Variants in CTTNBP2 observed in about 807,000 individuals in gnomAD.
The protein encoded by CTTNBP2 is cortactin-binding protein 2.
In CTTNBP2, 108 loss-of-function variants were observed where a neutral mutation model predicts 156.9. The ratio of observed to expected loss-of-function variants is 0.69; its 90% CI spans 0.59 to 0.81. The LOEUF (loss-of-function observed/expected upper bound fraction) is 0.81. CTTNBP2 is among the 30% of genes least tolerant of loss of function. The pLI, the probability that CTTNBP2 is intolerant of heterozygous loss-of-function variation, is 0.00. For synonymous variants in CTTNBP2, 767 were observed against 751.8 expected (o/e 1.02, Z -0.33); for missense variants, 1,924 against 2,035.4 (o/e 0.95, Z 1.05).
chr7:117,810,735 G>T, intron 3 of CTTNBP2, 30 bp downstream of exon 3: 1 of 1,560,566 alleles, frequency 6.4e-7, no homozygotes, highest in Non-Finnish European at 8.8e-7. Flanking sequence ...CCATGTTGTG[G>T]GGAAAATGAC....
chr7:117,851,877 T>C (rs1032232488), intron 2 of CTTNBP2, among the ~76,000 whole-genome samples: 5 of 152,218 alleles, frequency 3.3e-5, no homozygotes, highest in African/African-American at 9.7e-5. Context: ...TGAGACTTTT[T>C]TATGAAAAAT....
intron 2 of CTTNBP2, among the ~76,000 whole-genome samples, chr7:117,829,146 T>C (rs531421965): frequency 1.3e-5 from 2 of 152,320 alleles, no homozygotes; most frequent in South Asian, 2.1e-4. Context: ...TCAGAGCATA[T>C]GACACCACTC....
At chr7:117,780,403 T>A (rs759564486) in intron 7 of CTTNBP2, 38 bp downstream of exon 7, 1 of 1,361,548 alleles carries the variant, frequency 7.3e-7, no homozygotes, top group South Asian at 1.8e-5. Context: ...ATATTGCAAA[T>A]TATATATACA....
At chr7:117,845,733 C>A (rs1802542302) in intron 2 of CTTNBP2, among the ~76,000 whole-genome samples, 1 of 152,198 alleles carries the variant, frequency 6.6e-6, no homozygotes, top group Admixed American at 6.5e-5. Flanking sequence ...CAAAGGATAT[C>A]CACAGCAAGG....
chr7:117,869,433 T>C (rs1804428440), intron 1 of CTTNBP2, among the ~76,000 whole-genome samples: 1 of 152,214 alleles, frequency 6.6e-6, no homozygotes, highest in Admixed American at 6.5e-5. Context: ...ACACTTACCA[T>C]GTGCCTGGCA....
intron 2 of CTTNBP2, among the ~76,000 whole-genome samples, chr7:117,834,851 C>A (rs1352657315): frequency 2.6e-5 from 4 of 152,178 alleles, no homozygotes; most frequent in South Asian, 2.1e-4. Flanking sequence ...TGTACTAATT[C>A]TTTAGTCCAC....
chr7:117,753,165 C>T (rs1417017206), intron 12 of CTTNBP2, among the ~76,000 whole-genome samples: 1 of 152,180 alleles, frequency 6.6e-6, no homozygotes, highest in East Asian at 1.9e-4. Flanking sequence ...CTCAACATCA[C>T]TGATCATTAG....
intron 2 of CTTNBP2, among the ~76,000 whole-genome samples, chr7:117,841,240 T>C (rs1168984967): frequency 1.3e-5 from 2 of 152,188 alleles, no homozygotes; most frequent in South Asian, 2.1e-4. Flanking sequence ...AAAAAAATCA[T>C]CTGTCATTGT....
intron 14 of CTTNBP2, 80 bp downstream of exon 14, chr7:117,745,751 C>A: frequency 1.1e-6 from 1 of 919,154 alleles, no homozygotes; most frequent in South Asian, 1.5e-5. Context: ...CCCCAAGCAA[C>A]ACAGTGTATT....
At chr7:117,725,499 G>A (rs984749178) in intron 17 of CTTNBP2, among the ~76,000 whole-genome samples, 2 of 152,118 alleles carry the variant, frequency 1.3e-5, no homozygotes, top group Admixed American at 1.3e-4. Context: ...TCTCAATGTA[G>A]AATCAATGCT....
At chr7:117,750,948 A>C (rs1796590534) in intron 12 of CTTNBP2, among the ~76,000 whole-genome samples, 1 of 152,200 alleles carries the variant, frequency 6.6e-6, no homozygotes, top group African/African-American at 2.4e-5. Flanking sequence ...TTATCCCCTA[A>C]GTGCACATTT....
At chr7:117,823,098 T>C (rs1031257700) in intron 2 of CTTNBP2, among the ~76,000 whole-genome samples, 3 of 152,258 alleles carry the variant, frequency 2.0e-5, no homozygotes, top group African/African-American at 7.2e-5. Context: ...GGCCCTGTTA[T>C]TGAATCTTCT....
intron 12 of CTTNBP2, among the ~76,000 whole-genome samples, chr7:117,747,697 C>G (rs1260128798): frequency 6.6e-6 from 1 of 152,280 alleles, no homozygotes; most frequent in South Asian, 2.1e-4. Context: ...CGCTTGAACC[C>G]GGGAGGTGGA....
At chr7:117,779,677 G>A (rs1798297375) in intron 7 of CTTNBP2, among the ~76,000 whole-genome samples, 1 of 151,388 alleles carries the variant, frequency 6.6e-6, no homozygotes, top group African/African-American at 2.4e-5. Flanking sequence ...AAGAAAAAAA[G>A]CTGTAGCAAT....
At position 117,713,708 on chromosome 7, in the gene CTTNBP2, A is replaced by C. The variant is rs1256963952; in HGVS notation, c.4747-1926T>G. On this transcript the variant is annotated intron_variant, in intron 22 of 22. Coordinates refer to ENST00000160373, the MANE Select transcript of CTTNBP2 (RefSeq NM_033427.3). ...TCCTTTACTTCCCTGTTAAAGTCCT[A>C]ATTCTTTAAAGCCCAACACAACATG... 3 of 152,200 alleles carry C rather than the reference A, an allele frequency of 2.0e-5. No homozygotes were observed. In the East Asian group the frequency reaches 5.8e-4, roughly 29 times the overall value. 9.4% of individuals were successfully genotyped at this position (152,200 alleles called of 1,614,324 possible).
intron 2 of CTTNBP2, among the ~76,000 whole-genome samples, chr7:117,859,839 T>C (rs1253819710): frequency 1.3e-5 from 2 of 152,232 alleles, no homozygotes; most frequent in African/African-American, 4.8e-5. Context: ...GGCAATTTGT[T>C]TCTGCAATCA....
chr7:117,715,475 TAAAAAA>T (rs398048025), intron 22 of CTTNBP2, among the ~76,000 whole-genome samples: 5 of 116,382 alleles, frequency 4.3e-5, no homozygotes, highest in East Asian at 2.4e-4. Flanking sequence ...GCCCTGAAGT[TAAAAAA>T]AAAAAAAAAA....
At chr7:117,819,043 A>G (rs1246876712) in intron 2 of CTTNBP2, among the ~76,000 whole-genome samples, 2 of 152,092 alleles carry the variant, frequency 1.3e-5, no homozygotes, top group African/African-American at 4.8e-5. Context: ...TCCCTCTCAA[A>G]CCCTGAAATT....
chr7:117,810,654 T>C, intron 3 of CTTNBP2, 111 bp downstream of exon 3: 1 of 839,660 alleles, frequency 1.2e-6, no homozygotes, highest in Non-Finnish European at 2.0e-6. Flanking sequence ...TTCTAAGTAC[T>C]TATTGCAATC....
Sources: allele counts gnomAD v4.1 joint callset (sites outside exome capture counted in the v4.1 genomes callset), GRCh38; gene constraint gnomAD v4.1.1; transcripts MANE v1.5; gene names NCBI Gene and HGNC (gene_info 2026-07-23, HGNC 2026-07-21).